Variants in SPAG11A observed in about 807,000 individuals in gnomAD.
SPAG11A encodes sperm associated antigen 11A, also known as sperm-associated antigen 11A.
Under a neutral mutation model 5.5 loss-of-function variants are expected in SPAG11A, and 2 were observed. That is an observed-to-expected ratio of 0.37 (90% CI 0.15 to 1.15). The LOEUF (loss-of-function observed/expected upper bound fraction) is 1.15, where lower values mean the gene tolerates loss of function less well. Among genes scored for constraint, SPAG11A ranks in the 50% most tolerant of loss-of-function variants. The pLI, the probability that SPAG11A is intolerant of heterozygous loss-of-function variation, is 0.38. For synonymous variants in SPAG11A, 11 were observed against 42.7 expected (o/e 0.26, Z 2.90); for missense variants, 24 against 122.5 (o/e 0.20, Z 3.80).
intron 2 of SPAG11A, among the ~76,000 whole-genome samples, chr8:7,852,401 C>CCTCCCGGGTTCAAGCGATT (rs1817957229): frequency 6.6e-6 from 1 of 152,214 alleles, no homozygotes; most frequent in Non-Finnish European, 1.5e-5. Flanking sequence ...ACCACCTCCA[C>CCTCCCGGGTTCAAGCGATT]CTCCCGGGTT....
At chr8:7,858,912 C>T (rs1158356025) in intron 2 of SPAG11A, among the ~76,000 whole-genome samples, 1 of 5,290 alleles carries the variant, frequency 1.9e-4, no homozygotes, top group African/African-American at 3.1e-4. Context: ...GCACCTAGCA[C>T]AGGGCTTGGC....
At position 7,860,713 on chromosome 8, in the gene SPAG11A, C is replaced by T. The variant is rs377701407; in HGVS notation, c.282C>T (p.Phe94=). 471 of 1,511,802 alleles carry T rather than the reference C, an allele frequency of 3.1e-4. 13 individuals carry two copies. The Middle Eastern group carries it at 3.2e-3, about 10-fold the overall frequency. The allele number at this position is 1,511,802 out of a possible 1,614,324, so 93.6% of individuals were successfully genotyped here. A position where few individuals can be genotyped will look rare whatever the true frequency, so the allele number is the denominator to read the frequency against. Reference sequence around the variant, plus strand: ...AGCAAGGGATCTGCAGACTTTTTTTCTGCCATTCTGGTGAGAAAAAGCGTG... The same window carrying T: ...AGCAAGGGATCTGCAGACTTTTTTTTTGCCATTCTGGTGAGAAAAAGCGTG... The change falls in exon 3 of 3, where the codon TTC becomes TTT. Residue 94 remains phenylalanine, a synonymous_variant. Coordinates refer to ENST00000642566, the Ensembl canonical transcript of SPAG11A.
chr8:7,861,316 T>C (rs564213258), downstream of SPAG11A, among the ~76,000 whole-genome samples: 176 of 143,746 alleles, frequency 1.2e-3, no homozygotes, highest in African/African-American at 4.3e-3. Context: ...CATTTACTCT[T>C]AGGCTATTTC....
chr8:7,857,554 TC>T (rs1818078495), intron 2 of SPAG11A, among the ~76,000 whole-genome samples: 1 of 78,452 alleles, frequency 1.3e-5, no homozygotes, highest in South Asian at 6.6e-4. Context: ...AGTTGGACCC[TC>T]ACAAATATTC....
At chr8:7,856,645 A>AT (rs1275480602) in intron 2 of SPAG11A, among the ~76,000 whole-genome samples, 5 of 69,194 alleles carry the variant, frequency 7.2e-5, no homozygotes, top group Non-Finnish European at 6.2e-5. Flanking sequence ...ATATAGAAAC[A>AT]TTTTTTCTAC....
intron 1 of SPAG11A, 58 bp from the exon 2 acceptor site, chr8:7,848,631 GAC>G (rs1817863846): frequency 2.1e-6 from 1 of 469,732 alleles, no homozygotes; most frequent in African/African-American, 2.2e-5. Context: ...GCCTCATGCT[GAC>G]GGGTCTGCCA....
In SPAG11A at chr8:7,857,624, T is replaced by C. The variant is rs1369113680; in HGVS notation, c.215-3022T>C. ...ACATTTAAGGTAACTTTTTTTTTTCTCTCTTTTTTTTTGATGGAGGGTCAA... is the reference window on the plus strand; with the variant it reads ...ACATTTAAGGTAACTTTTTTTTTTCCCTCTTTTTTTTTGATGGAGGGTCAA... On this transcript the variant is annotated intron_variant, in intron 2 of 2. Transcript: ENST00000642566. Among the ~76,000 whole-genome samples, 2 of 77,084 alleles carry C rather than the reference T, an allele frequency of 2.6e-5. 1 individual carries two copies. The highest frequency in any genetic ancestry group is 6.9e-5 in the Non-Finnish European group (2 of 28,952). The allele number at this position is 77,084 out of a possible 152,430, so 50.6% of individuals were successfully genotyped here.
downstream of SPAG11A, among the ~76,000 whole-genome samples, chr8:7,861,374 A>C (rs1224022026): frequency 6.8e-6 from 1 of 147,204 alleles, no homozygotes; most frequent in African/African-American, 2.5e-5. Context: ...GGGGGTAAGC[A>C]GGTCCATTTT....
chr8:7,863,251 C>T (rs1476180053), downstream of SPAG11A, among the ~76,000 whole-genome samples: 13 of 4,062 alleles, frequency 3.2e-3, no homozygotes, highest in African/African-American at 5.2e-3. Context: ...TTTTTTTGAC[C>T]ACTTGTTCTG....
intron 2 of SPAG11A, among the ~76,000 whole-genome samples, chr8:7,852,625 G>A (rs529973893): frequency 7.9e-5 from 12 of 152,188 alleles, no homozygotes; most frequent in East Asian, 1.9e-4. Context: ...GAGCCACCGC[G>A]CCCGGCCAGG....
chr8:7,861,673 A>C (rs1403818005), downstream of SPAG11A, among the ~76,000 whole-genome samples: 4 of 131,032 alleles, frequency 3.1e-5, 1 homozygote, highest in East Asian at 1.3e-3. Flanking sequence ...TAATAAAAAC[A>C]AACATGCTGA....
chr8:7,852,854 CTATTTTTT>C (rs1447699799), intron 2 of SPAG11A, among the ~76,000 whole-genome samples: 8 of 51,960 alleles, frequency 1.5e-4, no homozygotes, highest in East Asian at 6.8e-4. Flanking sequence ...TAGAGCCCTT[CTATTTTTT>C]TTTTTTTTTT....
In SPAG11A at chr8:7,852,663, T is replaced by C. The variant is rs538078673; in HGVS notation, c.214+3820T>C. Among the ~76,000 whole-genome samples, 42 of 151,718 alleles carry C rather than the reference T, an allele frequency of 2.8e-4. No individual in the cohort carries two copies. The Middle Eastern group carries it at 0.014, about 50-fold the overall frequency. On this transcript the variant is annotated intron_variant, in intron 2 of 2. Transcript: ENST00000642566. Reference sequence around the variant, plus strand: ...ACCGCTTTATTCTTATCCATGTACATGTGCTCCTTTTATATCTAACCTTAC... The same window carrying C: ...ACCGCTTTATTCTTATCCATGTACACGTGCTCCTTTTATATCTAACCTTAC...
chr8:7,856,658 TCAAA>T (rs1818039949), intron 2 of SPAG11A, among the ~76,000 whole-genome samples: 1 of 79,150 alleles, frequency 1.3e-5, no homozygotes. Flanking sequence ...TTTTCTACTA[TCAAA>T]TGTTTGCAAA....
intron 2 of SPAG11A, among the ~76,000 whole-genome samples, chr8:7,852,839 A>AGTTTCTCTT (rs1817987641): frequency 1.5e-5 from 1 of 65,336 alleles, no homozygotes. Context: ...TTATTTTTAT[A>AGTTTCTCTT]TCTGTAGAGC....
chr8:7,863,257 T>TC (rs1818268437), downstream of SPAG11A, among the ~76,000 whole-genome samples: 1 of 52,012 alleles, frequency 1.9e-5, no homozygotes, highest in African/African-American at 5.5e-5. Context: ...TGACCACTTG[T>TC]TCTGAAGCTG....
At chr8:7,858,554 G>A (rs540394271) in intron 2 of SPAG11A, among the ~76,000 whole-genome samples, 1 of 93,294 alleles carries the variant, frequency 1.1e-5, no homozygotes, top group Non-Finnish European at 2.7e-5. Flanking sequence ...CAAATTTTTG[G>A]AATAATGTGG....
intron 2 of SPAG11A, chr8:7,860,409 C>T (rs1346033458): frequency 3.5e-6 from 5 of 1,428,456 alleles, no homozygotes; most frequent in Non-Finnish European, 4.7e-6. Flanking sequence ...CTTTTTAGGG[C>T]CTAGATGGGC....
chr8:7,852,798 T>A (rs200461093), intron 2 of SPAG11A, among the ~76,000 whole-genome samples: 29,021 of 124,028 alleles, frequency 0.23, 726 homozygotes, highest in Admixed American at 0.33. Context: ...ATTTTCATGC[T>A]TTTCCCTTTT....
Sources: gnomAD v4.1 joint callset for allele counts (sites outside exome capture counted in the v4.1 genomes callset) on GRCh38, gnomAD v4.1.1 for gene constraint, MANE v1.5 for transcripts, NCBI Gene and HGNC (gene_info 2026-07-23, HGNC 2026-07-21) for gene names.